The following HS6ST3 variants were observed in gnomAD, a reference collection of about 807,000 sequenced individuals.
HS6ST3 encodes the protein heparan sulfate 6-O-sulfotransferase 3, also known as heparan-sulfate 6-O-sulfotransferase 3.
Under a neutral mutation model 36.7 loss-of-function variants are expected in HS6ST3, and 12 were observed. The observed-to-expected ratio is 0.33, with a 90% CI of 0.21 to 0.53. HS6ST3 has a LOEUF of 0.53. Among genes scored for constraint, HS6ST3 ranks in the 20% least tolerant of loss-of-function variants. The pLI is 0.95. For synonymous variants in HS6ST3, 240 were observed against 257.5 expected, an observed-to-expected ratio of 0.93 and a Z score of 0.65; for missense variants, 584 against 640.9, an observed-to-expected ratio of 0.91 and a Z score of 0.96.
intron 1 of HS6ST3, among the ~76,000 whole-genome samples, chr13:96,307,798 AT>A (rs2054921006): frequency 6.6e-6 from 1 of 151,974 alleles, no homozygotes; most frequent in South Asian, 2.1e-4. Context: ...AGATGCTGTA[AT>A]TTGCTTTTTG....
intron 1 of HS6ST3, among the ~76,000 whole-genome samples, chr13:96,129,198 T>C (rs2053965232): frequency 2.0e-5 from 3 of 152,168 alleles, no homozygotes; most frequent in Non-Finnish European, 4.4e-5. Flanking sequence ...TCTCACTTTC[T>C]AAAGTGTCTC....
intron 1 of HS6ST3, among the ~76,000 whole-genome samples, chr13:96,201,197 C>A (rs1465682216): frequency 6.6e-6 from 1 of 152,018 alleles, no homozygotes; most frequent in Non-Finnish European, 1.5e-5. Context: ...CGATTTGGGG[C>A]CTGATTTAAG....
intron 1 of HS6ST3, among the ~76,000 whole-genome samples, chr13:96,447,016 A>G (rs1566363782): frequency 6.6e-6 from 1 of 152,014 alleles, no homozygotes; most frequent in Non-Finnish European, 1.5e-5. Context: ...TCCGTTTTTT[A>G]GCTAGAGCCC....
intron 1 of HS6ST3, among the ~76,000 whole-genome samples, chr13:96,517,582 C>A (rs1349386625): frequency 2.0e-5 from 3 of 152,090 alleles, no homozygotes. Context: ...TTTTAGGTGT[C>A]GGCTACATTT....
chr13:96,482,456 CTT>C (rs778614894), intron 1 of HS6ST3, among the ~76,000 whole-genome samples: 8 of 140,486 alleles, frequency 5.7e-5, no homozygotes, highest in Admixed American at 1.4e-4. Context: ...TTTTATTTTT[CTT>C]TTTTTTTTTT....
rs755909244 is a variant in HS6ST3, at chr13:96,091,442, A to G, written c.580A>G (p.Thr194Ala). ...CTGCCACCGGCCTGGCAAGAAGGAG[A>G]CGTGGCTCTTCTCCCGCTTCTCCAC... ...CTCHRPGKKE[T>A]WLFSRFSTGW... The change falls in exon 1 of 2, where the codon ACG (threonine) becomes GCG (alanine). Residue 194 changes from threonine (T) to alanine (A), a missense_variant. Thr to Ala is a moderately conservative substitution (Grantham distance 58). This residue lies in a region of HS6ST3 where 360 missense variants were observed against 411.3 expected (regional missense o/e 0.88). Transcript: ENST00000376705. 6.2e-7 allele frequency: 1 copy of G among 1,611,642 alleles called. No homozygotes were observed. The highest frequency in any genetic ancestry group is 1.1e-5 in the South Asian group (1 of 90,714).
chr13:96,513,484 A>G (rs534045351), intron 1 of HS6ST3, among the ~76,000 whole-genome samples: 3 of 152,186 alleles, frequency 2.0e-5, no homozygotes, highest in South Asian at 2.1e-4. Flanking sequence ...TTTCACCATG[A>G]TACTGACATT....
intron 1 of HS6ST3, among the ~76,000 whole-genome samples, chr13:96,658,246 TTCTTCTTCTTC>T (rs2056632538): frequency 6.7e-6 from 1 of 149,644 alleles, no homozygotes; most frequent in Admixed American, 6.7e-5. Context: ...ATCTTTCTTC[TTCTTCTTCTTC>T]TCTTCTTCTT....
At chr13:96,276,395 C>A (rs1337563078) in intron 1 of HS6ST3, among the ~76,000 whole-genome samples, 1 of 152,158 alleles carries the variant, frequency 6.6e-6, no homozygotes, top group Non-Finnish European at 1.5e-5. Flanking sequence ...ACCTTCAATA[C>A]CCTGCAAACA....
chr13:96,651,749 G>A (rs12876541), intron 1 of HS6ST3, among the ~76,000 whole-genome samples: 62,636 of 151,798 alleles, frequency 0.41, 13,253 homozygotes, highest in Non-Finnish European at 0.46. Flanking sequence ...ATATTACTTC[G>A]TTTATTATTT....
At chr13:96,485,184 A>G (rs1224809847) in intron 1 of HS6ST3, among the ~76,000 whole-genome samples, 3 of 152,130 alleles carry the variant, frequency 2.0e-5, no homozygotes. Context: ...GGAAGAACTG[A>G]CATCTTTATA....
chr13:96,176,754 A>C (rs1446529113), intron 1 of HS6ST3, among the ~76,000 whole-genome samples: 1 of 152,218 alleles, frequency 6.6e-6, no homozygotes, highest in Non-Finnish European at 1.5e-5. Flanking sequence ...ATTGCAACAA[A>C]GCAAAAATTG....
chr13:96,456,537 T>TCTATAA (rs1156964579), intron 1 of HS6ST3, among the ~76,000 whole-genome samples: 1 of 152,182 alleles, frequency 6.6e-6, no homozygotes, highest in African/African-American at 2.4e-5. Context: ...TCTGCTAATA[T>TCTATAA]CTATCATGTA....
At chr13:96,558,950 A>G (rs1264252290) in intron 1 of HS6ST3, among the ~76,000 whole-genome samples, 4 of 152,192 alleles carry the variant, frequency 2.6e-5, no homozygotes, top group Non-Finnish European at 5.9e-5. Flanking sequence ...TTGGCCAACA[A>G]AAGATGGAGA....
At chr13:96,736,104 A>C (rs893822693) in intron 1 of HS6ST3, among the ~76,000 whole-genome samples, 22 of 152,170 alleles carry the variant, frequency 1.4e-4, no homozygotes. Flanking sequence ...AATCAGGAAA[A>C]ATAACTAATG....
chr13:96,805,948 T>C (rs1208263543), intron 1 of HS6ST3, among the ~76,000 whole-genome samples: 1 of 152,176 alleles, frequency 6.6e-6, no homozygotes, highest in Non-Finnish European at 1.5e-5. Flanking sequence ...ACTCTAATGC[T>C]CTGGCTTAAC....
intron 1 of HS6ST3, among the ~76,000 whole-genome samples, chr13:96,329,979 G>C (rs1442520255): frequency 1.3e-5 from 2 of 151,066 alleles, no homozygotes; most frequent in Admixed American, 1.3e-4. Context: ...TTTAAAGTCT[G>C]TTTTATCATA....
At chr13:96,281,220 G>A (rs375518775) in intron 1 of HS6ST3, among the ~76,000 whole-genome samples, 2 of 152,190 alleles carry the variant, frequency 1.3e-5, no homozygotes, top group East Asian at 3.9e-4. Context: ...TGGCCAGGAT[G>A]GTCTTGATCT....
chr13:96,464,138 CAAAAA>C (rs67305199), intron 1 of HS6ST3, among the ~76,000 whole-genome samples: 7 of 38,790 alleles, frequency 1.8e-4, no homozygotes, highest in East Asian at 8.5e-4. Flanking sequence ...TGTCAGGCCT[CAAAAA>C]AAAAAAAAAA....
Sources: gnomAD v4.1 joint callset for allele counts (sites outside exome capture counted in the v4.1 genomes callset) on GRCh38, gnomAD v4.1.1 for gene constraint, gnomAD v4.1.1 regional missense constraint, MANE v1.5 for transcripts, NCBI Gene and HGNC (gene_info 2026-07-23, HGNC 2026-07-21) for gene names.